The following ZNF335 variants were observed in gnomAD, a reference collection of about 807,000 sequenced individuals.
ZNF335 encodes zinc finger protein 335.
In ZNF335, 84 loss-of-function variants were observed where a neutral mutation model predicts 145.6. That is an observed-to-expected ratio of 0.58 (90% CI 0.48 to 0.69). The LOEUF is 0.69. Among genes scored for constraint, ZNF335 ranks in the 30% least tolerant of loss-of-function variants. The pLI is 0.00. For missense variants in ZNF335, 1,865 were observed against 1,809.7 expected, an observed-to-expected ratio of 1.03 and a Z score of -0.55; for synonymous variants, 761 against 717.0, an observed-to-expected ratio of 1.06 and a Z score of -0.98.
rs1420865854 is a variant in ZNF335 at position 45,969,655 on chromosome 20, G to A, written c.238C>T (p.Leu80=). ...GAATCAGGGAGGTAGCTATTAGGCA[G>A]GGGGTCTGCGCTCGAGCTGCTCTCA... ...VSESSSSADP[L]PNSYLPDSSS... Residue 80 remains leucine, a synonymous_variant, in exon 3 of 28, where the codon CTG becomes TTG. Coordinates refer to ENST00000322927, the MANE Select transcript of ZNF335 (RefSeq NM_022095.4). The A allele has an allele frequency of 6.2e-7, 1 of 1,612,268 alleles. No homozygotes were observed. The highest frequency in any genetic ancestry group is 8.5e-7 in the Non-Finnish European group (1 of 1,179,282).
intron 6 of ZNF335, chr20:45,967,005 C>CA (rs1040174108): frequency 5.5e-6 from 1 of 180,578 alleles, no homozygotes; most frequent in Admixed American, 5.4e-5. Context: ...ACACATACCA[C>CA]AACAGGCTAA....
chr20:45,954,081 G>C (rs2083683269), intron 17 of ZNF335, 133 bp from the exon 18 acceptor site: 2 of 1,118,034 alleles, frequency 1.8e-6, no homozygotes, highest in Non-Finnish European at 2.5e-6. Context: ...CCACTCATTT[G>C]AATAGCCCAA....
Position 45,971,359 on chromosome 20 carries a change from G to C in ZNF335, c.52C>G (p.Arg18Gly), listed in dbSNP as rs750476501. The C allele has an allele frequency of 5.6e-6, 9 of 1,600,272 alleles. No homozygotes were observed. The highest frequency in any genetic ancestry group is 1.3e-5 in the African/African-American group (1 of 74,918). ...SSSDAAPGPG[R>G]PEEPSESGLG... ...CCGCTCTCAGAGGGCTCCTCGGGCC[G>C]GCCAGGCCCAGGGGCCGCGTCGCTG... Residue 18 changes from arginine (R) to glycine (G), a missense_variant, in exon 2 of 28, where the codon CGG becomes GGG. Coordinates refer to ENST00000322927, the MANE Select transcript of ZNF335 (RefSeq NM_022095.4).
chr20:45,968,199 C>T (rs2083996659), intron 4 of ZNF335, 86 bp downstream of exon 4: 2 of 1,533,458 alleles, frequency 1.3e-6, no homozygotes, highest in Admixed American at 3.4e-5. Context: ...CAGCCAGGGC[C>T]ACAGACGGAA....
intron 5 of ZNF335, 35 bp from the exon 6 acceptor site, chr20:45,967,669 T>A: frequency 6.2e-7 from 1 of 1,611,828 alleles, no homozygotes; most frequent in Non-Finnish European, 8.5e-7. Flanking sequence ...AAGCTTGCCA[T>A]GTCTGGCTCC....
chr20:45,950,495 T>A lies in ZNF335; in HGVS notation c.3290A>T (p.His1097Leu). 1 of 1,614,228 alleles carries A rather than the reference T, an allele frequency of 6.2e-7. No homozygotes were observed. The highest frequency in any genetic ancestry group is 8.5e-7 in the Non-Finnish European group (1 of 1,180,050). The change falls in exon 21 of 28, where the codon CAC becomes CTC. Residue 1097 changes from histidine to leucine, a missense_variant. His to Leu is a moderately conservative substitution (Grantham distance 99). Transcript: ENST00000322927. ...KKDLRRHMLT[H>L]TKEKPFACHL... ...GCATGCAAAAGGCTTCTCCTTTGTG[T>A]GAGTCAGCATGTGCCGACGCAGGTC... is the stretch of plus-strand genomic sequence containing the variant.
At position 45,953,729 on chromosome 20, in the gene ZNF335, G is replaced by C. The variant is rs748584505; in HGVS notation, c.2662C>G (p.Pro888Ala). Residue 888 changes from proline (P) to alanine (A), a missense_variant, in exon 18 of 28, where the codon CCT (proline) becomes GCT (alanine). Coordinates refer to ENST00000322927, the MANE Select transcript of ZNF335 (RefSeq NM_022095.4). ...GTGYSVITAP[P>A]MEEGTSAPGT... ...GGAGCTGATGTTCCCTCCTCCATAG[G>C]GGGTGCTGTGATGACACTGTAGCCA... The C allele has an allele frequency of 6.2e-7, 1 of 1,614,100 alleles. No homozygotes were observed. Among genetic ancestry groups the C allele is most frequent in the East Asian group, 2.2e-5 (1 of 44,872 alleles).
chr20:45,952,377 G>A lies in ZNF335; in HGVS notation c.2959C>T (p.Gln987Ter). ...GCAGGAGGTGAGGAGGCAGAGCTCT[G>A]GGAGTCCCCTACGCAGTGGGTCTTG... The part of the protein sequence containing the change: ...PAKTHCVGDS[Q>*]SSASSPPATS... The change falls in exon 20 of 28, where the codon CAG becomes TAG. Residue 987 changes from glutamine to a stop codon, truncating the protein, a stop_gained. Transcript: ENST00000322927. LOFTEE classifies it high-confidence loss of function. The A allele has an allele frequency of 6.2e-7, 1 of 1,609,182 alleles. No homozygotes were observed. Among genetic ancestry groups the A allele is most frequent in the Non-Finnish European group, 8.5e-7 (1 of 1,177,472 alleles).
At chr20:45,950,863 T>C (rs937146919) in intron 20 of ZNF335, among the ~76,000 whole-genome samples, 3 of 151,800 alleles carry the variant, frequency 2.0e-5, no homozygotes, top group Non-Finnish European at 4.4e-5. Context: ...AGGTGTTAGA[T>C]GAGGGGACCT....
chr20:45,955,350 C>CAAAAAAAAA (rs61555698), intron 17 of ZNF335, among the ~76,000 whole-genome samples: 6,509 of 37,214 alleles, frequency 0.17, 2,235 homozygotes, highest in East Asian at 0.35. Context: ...GACTCTGTCT[C>CAAAAAAAAA]AAAAAAAAAA....
rs1037005123 is a variant in ZNF335 at position 45,963,428 on chromosome 20, C to T, written c.1533+45G>A. On this transcript the variant is annotated intron_variant, in intron 9 of 27. Coordinates refer to ENST00000322927, the MANE Select transcript of ZNF335 (RefSeq NM_022095.4). ...GTGGCACCAGCTGGCCTCTGCTTGC[C>T]TTCTTCACCCTCCCATGAGCCCCAA... 3.8e-6 allele frequency: 6 copies of T among 1,579,780 alleles called. No individual in the cohort carries two copies. In the African/African-American group the frequency reaches 5.4e-5, roughly 14 times the overall value.
At position 45,952,673 on chromosome 20, in the gene ZNF335, A is replaced by G; in HGVS notation, c.2739T>C (p.Val913=). 4 of 1,613,816 alleles carry G rather than the reference A, an allele frequency of 2.5e-6. No homozygotes were observed. Among genetic ancestry groups the G allele is most frequent in the Non-Finnish European group, 3.4e-6 (4 of 1,180,018 alleles). Residue 913 remains valine, a synonymous_variant, in exon 19 of 28, where the codon GTT becomes GTC. Transcript: ENST00000322927. The part of the protein sequence containing the change: ...EPAGEAAQAV[V]VSDTLKEAGT... ...CAGCTTCTTTTAGGGTGTCACTCACAACCACAGCCTGGGCTGCCTCTCCTG... is the reference window on the plus strand; with the variant it reads ...CAGCTTCTTTTAGGGTGTCACTCACGACCACAGCCTGGGCTGCCTCTCCTG...
intron 25 of ZNF335, 40 bp downstream of exon 25, chr20:45,949,445 C>T (rs1039607140): frequency 6.2e-6 from 10 of 1,613,836 alleles, no homozygotes; most frequent in African/African-American, 2.7e-5. Flanking sequence ...GGTCATGCAG[C>T]CCTTCACCAC....
rs768812403 is a variant in ZNF335, at chr20:45,965,664, T to G, written c.1066A>C (p.Lys356Gln). The part of the protein sequence containing the change: ...RPRRRPGRPR[K>Q]LPRLEISDLP... ...TCTGAGATCTCCAGGCGGGGCAGCT[T>G]CCGGGGCCGGCCAGGTCTCCTTCGG... Residue 356 changes from lysine to glutamine, a missense_variant, in exon 7 of 28, where the codon AAG becomes CAG. Transcript: ENST00000322927. 6.9e-6 allele frequency: 11 copies of G among 1,598,920 alleles called. No homozygotes were observed. Among genetic ancestry groups the G allele is most frequent in the Non-Finnish European group, 9.4e-6 (11 of 1,174,392 alleles).
In ZNF335 at chr20:45,967,654, A is replaced by T; in HGVS notation, c.815-20T>A. On this transcript the variant is annotated intron_variant, in intron 5 of 27. Transcript: ENST00000322927. ...CTGCTACTGGAAGTGGAGGGAGGGT[A>T]AGACAAGCTTGCCATGTCTGGCTCC... The T allele has an allele frequency of 6.2e-7, 1 of 1,613,214 alleles. No homozygotes were observed. Among genetic ancestry groups the T allele is most frequent in the Non-Finnish European group, 8.5e-7 (1 of 1,179,634 alleles).
At chr20:45,959,469 C>T (rs529767927) in intron 14 of ZNF335, 36 bp from the exon 15 acceptor site, 2 of 1,386,678 alleles carry the variant, frequency 1.4e-6, no homozygotes, top group Admixed American at 2.9e-5. Flanking sequence ...TAAGTCTGCC[C>T]GTCCCTAGCC....
At chr20:45,966,555 T>TC (rs2083957889) in intron 6 of ZNF335, among the ~76,000 whole-genome samples, 1 of 151,072 alleles carries the variant, frequency 6.6e-6, no homozygotes, top group East Asian at 2.0e-4. Context: ...TTCTTTCTTT[T>TC]TTTTTTTTTT....
At position 45,967,740 on chromosome 20, in the gene ZNF335, G is replaced by A. The variant is rs145110365; in HGVS notation, c.808C>T (p.Arg270Cys). ...LLRHMRERHFRPVAAAAAAAG... is the reference protein window; with the variant it reads ...LLRHMRERHFCPVAAAAAAAG... ...TAGGCTGCTACTGACGCACCTGGAC[G>A]GAAGTGGCGTTCCCGCATGTGGCGC... Residue 270 changes from arginine (R) to cysteine (C), a missense_variant, in exon 5 of 28, where the codon CGT (arginine) becomes TGT (cysteine). By Grantham distance (180) the Arg-to-Cys change is radical. Transcript: ENST00000322927. 3.0e-4 allele frequency: 490 copies of A among 1,610,312 alleles called. 1 individual carries two copies. Among genetic ancestry groups the A allele is most frequent in the Middle Eastern group, 3.0e-3 (18 of 6,050 alleles).
At chr20:45,971,864 G>T (rs916012958) in intron 1 of ZNF335, 1 of 985,438 alleles carries the variant, frequency 1.0e-6, no homozygotes, top group African/African-American at 1.7e-5. Flanking sequence ...CCCTGCGGAG[G>T]CGGCTGACAG....
Sources: allele counts gnomAD v4.1 joint callset (sites outside exome capture counted in the v4.1 genomes callset), GRCh38; gene constraint gnomAD v4.1.1; transcripts MANE v1.5; gene names NCBI Gene and HGNC (gene_info 2026-07-23, HGNC 2026-07-21).